Variants in NTAN1 observed in about 807,000 individuals in gnomAD.
The protein encoded by NTAN1 is N-terminal asparagine amidase, also known as protein N-terminal asparagine amidohydrolase.
Under a neutral mutation model 41.9 loss-of-function variants are expected in NTAN1, and 32 were observed. The ratio of observed to expected loss-of-function variants is 0.76; its 90% CI spans 0.58 to 1.03. The LOEUF is 1.03. NTAN1 is among the 50% of genes least tolerant of loss of function. The probability of loss-of-function intolerance (pLI) is 0.00; values close to 1 mark genes in which losing one functional copy is unlikely to be tolerated. For synonymous variants in NTAN1, 140 were observed against 139.5 expected (o/e 1.00, Z -0.03); for missense variants, 377 against 377.5 (o/e 1.00, Z 0.01).
At chr16:15,042,922 T>C (rs2043887472) in intron 5 of NTAN1, among the ~76,000 whole-genome samples, 1 of 131,114 alleles carries the variant, frequency 7.6e-6, no homozygotes, top group Admixed American at 8.1e-5. Context: ...TTTTTTGAGA[T>C]GGAGTTTAGC....
At chr16:15,041,590 C>A in intron 6 of NTAN1, 33 bp downstream of exon 6, 3 of 1,530,812 alleles carry the variant, frequency 2.0e-6, no homozygotes, top group Non-Finnish European at 2.7e-6. Flanking sequence ...CTGAGACCCA[C>A]ATCTTTGCTT....
In NTAN1 at chr16:15,048,102, GT is replaced by G; in HGVS notation, c.82-4del. The stretch of plus-strand genomic sequence containing the variant: ...CCTCTGAGAAGTCTGGCTCTTTCCT[GT>G]TTAATTAAAAAAAAAATAAAATAGT... On this transcript the variant is annotated splice_polypyrimidine_tract_variant and splice_region_variant and intron_variant, in intron 1 of 9. Transcript: ENST00000287706. 6.4e-7 allele frequency: 1 copy of G among 1,558,234 alleles called. No homozygotes were observed. The highest frequency in any genetic ancestry group is 8.7e-7 in the Non-Finnish European group (1 of 1,143,074).
intron 1 of NTAN1, among the ~76,000 whole-genome samples, chr16:15,055,016 A>G (rs1264015614): frequency 1.3e-5 from 2 of 152,088 alleles, no homozygotes; most frequent in African/African-American, 4.8e-5. Flanking sequence ...TTCATCAGAA[A>G]CCATTCTCCC....
intron 1 of NTAN1, among the ~76,000 whole-genome samples, chr16:15,053,788 G>C (rs1166880888): frequency 6.6e-6 from 1 of 152,148 alleles, no homozygotes; most frequent in Non-Finnish European, 1.5e-5. Flanking sequence ...GCATGCACCT[G>C]TAATCCCAGC....
At chr16:15,044,557 G>A (rs1037086927) in intron 4 of NTAN1, 150 bp from the exon 5 acceptor site, 12 of 635,684 alleles carry the variant, frequency 1.9e-5, no homozygotes, top group African/African-American at 1.5e-4. Flanking sequence ...AGAAAGTATC[G>A]GCAGCACACT....
intron 1 of NTAN1, among the ~76,000 whole-genome samples, chr16:15,053,847 G>A (rs542958465): frequency 2.6e-5 from 4 of 152,296 alleles, no homozygotes; most frequent in South Asian, 2.1e-4. Flanking sequence ...GGGAGACAGA[G>A]GTTGCAGTGA....
chr16:15,043,347 T>C (rs866452154), intron 5 of NTAN1, among the ~76,000 whole-genome samples: 15 of 152,182 alleles, frequency 9.9e-5, no homozygotes, highest in Non-Finnish European at 2.1e-4. Context: ...GATATGAACC[T>C]TTTTTAAGAG....
At chr16:15,045,282 A>C (rs976825167) in intron 4 of NTAN1, 2 of 151,828 alleles carry the variant, frequency 1.3e-5, no homozygotes, top group African/African-American at 4.9e-5. Context: ...TGGGCAATCG[A>C]GCAAGACTCC....
In NTAN1 at chr16:15,054,694, T is replaced by C. The variant is rs189158085; in HGVS notation, c.81+1197A>G. 7.2e-3 allele frequency among the ~76,000 whole-genome samples: 1,095 copies of C among 152,302 alleles called. 20 individuals carry two copies. Among genetic ancestry groups the C allele is most frequent in the Non-Finnish European group, 8.8e-3 (598 of 68,018 alleles). On this transcript the variant is annotated intron_variant, in intron 1 of 9. Transcript: ENST00000287706. ...CTTCAGAACACGTTCAGGGGTCATT[T>C]TGTGACCTCATTTATGCAGCAAATC...
intron 4 of NTAN1, among the ~76,000 whole-genome samples, chr16:15,046,805 G>A (rs1443223170): frequency 6.7e-6 from 1 of 150,044 alleles, no homozygotes; most frequent in Non-Finnish European, 1.5e-5. Flanking sequence ...AGTCCACAAA[G>A]TCAAGGCTGC....
Position 15,040,041 on chromosome 16 carries a change from A to T in NTAN1, c.567T>A (p.Ile189=). The part of the protein sequence containing the change: ...GIAVNIKTAE[I]YRASFQDRGP... ...CCCGATCTTGAAAGGATGCTCTGTA[A>T]ATCTCTGCAGTCTTAATGTTGACAG... The change falls in exon 8 of 10, where the codon ATT becomes ATA. Residue 189 remains isoleucine, a synonymous_variant. Coordinates refer to ENST00000287706, the MANE Select transcript of NTAN1 (RefSeq NM_173474.4). The T allele has an allele frequency of 6.2e-7, 1 of 1,610,370 alleles. No homozygotes were observed. The highest frequency in any genetic ancestry group is 8.5e-7 in the Non-Finnish European group (1 of 1,176,764).
At chr16:15,042,727 T>TATTTATTTATTTA (rs1254370269) in intron 5 of NTAN1, among the ~76,000 whole-genome samples, 12 of 134,066 alleles carry the variant, frequency 9.0e-5, no homozygotes, top group Non-Finnish European at 1.9e-4. Context: ...ACTATTTATT[T>TATTTATTTATTTA]ATTTATTTAT....
At chr16:15,053,315 A>G (rs2044367838) in intron 1 of NTAN1, among the ~76,000 whole-genome samples, 1 of 152,178 alleles carries the variant, frequency 6.6e-6, no homozygotes, top group Admixed American at 6.5e-5. Flanking sequence ...GAATAGCAGT[A>G]ACTCTTGCTG....
intron 1 of NTAN1, among the ~76,000 whole-genome samples, chr16:15,050,456 G>C (rs922269167): frequency 6.6e-6 from 1 of 152,148 alleles, no homozygotes; most frequent in Admixed American, 6.5e-5. Context: ...AGAGCAGCTG[G>C]GTGTGATGGC....
chr16:15,052,395 G>A (rs1330974999), intron 1 of NTAN1, among the ~76,000 whole-genome samples: 3 of 152,154 alleles, frequency 2.0e-5, no homozygotes, highest in African/African-American at 7.2e-5. Context: ...GTGGCTTGTT[G>A]ACCTGTGTCT....
intron 4 of NTAN1, chr16:15,046,080 C>T (rs2044047742): frequency 6.6e-6 from 1 of 152,192 alleles, no homozygotes. Context: ...GAGTGTGTGG[C>T]AACATAATGG....
chr16:15,047,698 T>C, intron 3 of NTAN1, 148 bp from the exon 4 acceptor site: 1 of 901,136 alleles, frequency 1.1e-6, no homozygotes. Context: ...AGCCAACCCA[T>C]TCTGACCAGG....
intron 4 of NTAN1, chr16:15,047,213 AGCCTTCCATC>A: frequency 1.9e-6 from 1 of 531,632 alleles, no homozygotes; most frequent in Non-Finnish European, 3.3e-6. Context: ...TTCAAAGTCA[AGCCTTCCATC>A]TCAAATCCAG....
chr16:15,050,052 A>C (rs2044236458), intron 1 of NTAN1, among the ~76,000 whole-genome samples: 1 of 152,192 alleles, frequency 6.6e-6, no homozygotes, highest in Non-Finnish European at 1.5e-5. Flanking sequence ...CTCTTCTCTC[A>C]ATGTTCTATC....
Sources: allele counts gnomAD v4.1 joint callset (sites outside exome capture counted in the v4.1 genomes callset), GRCh38; gene constraint gnomAD v4.1.1; transcripts MANE v1.5; gene names NCBI Gene and HGNC (gene_info 2026-07-23, HGNC 2026-07-21).